Variants in TNNI3K observed in about 807,000 individuals in gnomAD.
The protein encoded by TNNI3K is TNNI3 interacting kinase.
A neutral mutation model predicts 114.5 loss-of-function variants in TNNI3K; 140 were observed. That is an observed-to-expected ratio of 1.22 (90% CI 1.07 to 1.41). The LOEUF (loss-of-function observed/expected upper bound fraction) is 1.41. Ranked by LOEUF, TNNI3K falls within the 40% of genes most tolerant of loss-of-function variation. The pLI, the probability that TNNI3K is intolerant of heterozygous loss-of-function variation, is 0.00. For missense variants in TNNI3K, 1,125 were observed against 1,007.6 expected, an observed-to-expected ratio of 1.12 and a Z score of -1.58; for synonymous variants, 347 against 347.5, an observed-to-expected ratio of 1.00 and a Z score of 0.02.
chr1:74,458,513 T>C (rs1387005038), intron 20 of TNNI3K, among the ~76,000 whole-genome samples: 1 of 152,172 alleles, frequency 6.6e-6, no homozygotes, highest in African/African-American at 2.4e-5. Context: ...AATTTGCCAC[T>C]AGATTTCAGT....
intron 23 of TNNI3K, among the ~76,000 whole-genome samples, chr1:74,521,263 G>A (rs773329478): frequency 3.3e-5 from 5 of 152,192 alleles, no homozygotes; most frequent in Non-Finnish European, 7.4e-5. Context: ...TCTTGCCCAA[G>A]CTCATTAACT....
intron 17 of TNNI3K, chr1:74,378,861 A>G (rs886207725): frequency 3.3e-5 from 5 of 151,620 alleles, no homozygotes; most frequent in South Asian, 2.1e-4. Context: ...CATTGACCCT[A>G]TGTATACTGG....
intron 22 of TNNI3K, among the ~76,000 whole-genome samples, chr1:74,490,105 A>G (rs1208636318): frequency 2.0e-5 from 3 of 149,730 alleles, no homozygotes; most frequent in African/African-American, 7.4e-5. Context: ...GACCTAGTCT[A>G]TTGGAAAAGG....
intron 23 of TNNI3K, among the ~76,000 whole-genome samples, chr1:74,508,799 G>C (rs1570719155): frequency 6.6e-6 from 1 of 152,148 alleles, no homozygotes; most frequent in African/African-American, 2.4e-5. Context: ...TGAAGCCAGA[G>C]GTATGTGTTC....
At chr1:74,344,601 G>A (rs1184274448) in intron 9 of TNNI3K, among the ~76,000 whole-genome samples, 1 of 152,138 alleles carries the variant, frequency 6.6e-6, no homozygotes, top group African/African-American at 2.4e-5. Flanking sequence ...ACTGGTTGCT[G>A]GTATTCTCTT....
At chr1:74,331,690 G>C in intron 6 of TNNI3K, 142 bp downstream of exon 6, 1 of 645,576 alleles carries the variant, frequency 1.5e-6, no homozygotes, top group Non-Finnish European at 2.4e-6. Context: ...TCCTTGAGGA[G>C]CTTGTAGATC....
intron 24 of TNNI3K, among the ~76,000 whole-genome samples, chr1:74,542,266 A>G (rs1196444798): frequency 6.6e-6 from 1 of 152,188 alleles, no homozygotes; most frequent in Non-Finnish European, 1.5e-5. Context: ...GTGGGGCAAG[A>G]GGCACTGGAA....
At chr1:74,239,912 T>A in intron 2 of TNNI3K, 1 of 468,880 alleles carries the variant, frequency 2.1e-6, no homozygotes. Context: ...TTTCATCTTC[T>A]GCTATAAAGT....
intron 4 of TNNI3K, among the ~76,000 whole-genome samples, chr1:74,267,815 C>A (rs1656093581): frequency 6.6e-6 from 1 of 151,782 alleles, no homozygotes; most frequent in Admixed American, 6.6e-5. Context: ...TTACCATTTG[C>A]CCATTCTGAA....
chr1:74,430,964 C>T (rs17095298), intron 17 of TNNI3K, among the ~76,000 whole-genome samples: 3,231 of 152,258 alleles, frequency 0.021, 100 homozygotes, highest in African/African-American at 0.074. Context: ...CAGAAAGTCA[C>T]TTTGCTTCCA....
chr1:74,419,449 T>G (rs1292111382), intron 17 of TNNI3K, among the ~76,000 whole-genome samples: 1 of 152,130 alleles, frequency 6.6e-6, no homozygotes, highest in African/African-American at 2.4e-5. Context: ...CCATTCAACT[T>G]ACTACACTAT....
At chr1:74,282,121 A>G (rs1657051918) in intron 5 of TNNI3K, among the ~76,000 whole-genome samples, 1 of 152,058 alleles carries the variant, frequency 6.6e-6, no homozygotes, top group African/African-American at 2.4e-5. Context: ...AAGGCTGCCA[A>G]TAACAAATAT....
intron 4 of TNNI3K, among the ~76,000 whole-genome samples, chr1:74,253,762 G>C (rs989042823): frequency 3.4e-4 from 51 of 152,108 alleles, no homozygotes; most frequent in African/African-American, 1.2e-3. Context: ...GAGGGAGCCA[G>C]CTCCAGCCTC....
chr1:74,338,729 A>G (rs148705215), intron 7 of TNNI3K, among the ~76,000 whole-genome samples: 138 of 152,280 alleles, frequency 9.1e-4, no homozygotes, highest in African/African-American at 3.2e-3. Context: ...GCAAGAGACT[A>G]AGGTAATTTC....
chr1:74,404,773 GATTCTT>G (rs1322212992), intron 17 of TNNI3K, among the ~76,000 whole-genome samples: 1 of 152,066 alleles, frequency 6.6e-6, no homozygotes, highest in Non-Finnish European at 1.5e-5. Context: ...TTGTGGCTCT[GATTCTT>G]ATTTATGTTT....
chr1:74,285,419 T>G (rs1657267531), intron 5 of TNNI3K, among the ~76,000 whole-genome samples: 1 of 152,202 alleles, frequency 6.6e-6, no homozygotes, highest in African/African-American at 2.4e-5. Flanking sequence ...TATAGTCTCT[T>G]TATGGTTCAC....
intron 17 of TNNI3K, among the ~76,000 whole-genome samples, chr1:74,391,622 A>G (rs1663775882): frequency 6.6e-6 from 1 of 152,202 alleles, no homozygotes; most frequent in Non-Finnish European, 1.5e-5. Context: ...GGAAATGCAA[A>G]TCTAAGCTCA....
At chr1:74,293,654 C>A (rs116006118) in intron 5 of TNNI3K, among the ~76,000 whole-genome samples, 1 of 151,524 alleles carries the variant, frequency 6.6e-6, no homozygotes, top group Admixed American at 6.6e-5. Context: ...CAAATAGATT[C>A]TTCTGTCCTT....
chr1:74,431,601 C>T (rs1665902274), intron 17 of TNNI3K, among the ~76,000 whole-genome samples: 1 of 152,016 alleles, frequency 6.6e-6, no homozygotes, highest in African/African-American at 2.4e-5. Context: ...GGGCAAGGAG[C>T]TGAGGAGACT....
Sources: allele counts gnomAD v4.1 joint callset (sites outside exome capture counted in the v4.1 genomes callset), GRCh38; gene constraint gnomAD v4.1.1; transcripts MANE v1.5; gene names NCBI Gene and HGNC (gene_info 2026-07-23, HGNC 2026-07-21).